The following MACROD1 variants were observed in gnomAD, a reference collection of about 807,000 sequenced individuals.
The protein encoded by MACROD1 is ADP-ribose glycohydrolase MACROD1.
Under a neutral mutation model 41.4 loss-of-function variants are expected in MACROD1, and 31 were observed. The observed-to-expected ratio is 0.75, with a 90% CI of 0.56 to 1.01. The LOEUF is 1.01. Among genes scored for constraint, MACROD1 ranks in the 50% least tolerant of loss-of-function variants. The probability of loss-of-function intolerance (pLI) is 0.00; values close to 1 mark genes in which losing one functional copy is unlikely to be tolerated. For synonymous variants in MACROD1, 252 were observed against 203.4 expected (o/e 1.24, Z -2.03); for missense variants, 473 against 460.0 (o/e 1.03, Z -0.26).
intron 3 of MACROD1, among the ~76,000 whole-genome samples, chr11:64,089,696 C>T (rs1944456615): frequency 6.6e-6 from 1 of 152,192 alleles, no homozygotes; most frequent in Non-Finnish European, 1.5e-5. Context: ...AGGGCCTGGA[C>T]AAAGTGGGGC....
chr11:64,118,173 C>T (rs1466775507), intron 3 of MACROD1: 2 of 1,613,568 alleles, frequency 1.2e-6, no homozygotes, highest in Non-Finnish European at 1.7e-6. Flanking sequence ...GTACGTGGTC[C>T]ACACTATCTT....
rs899326670 is a variant in MACROD1 at position 64,048,675 on chromosome 11, A to G, written c.518-33394T>C. Among the ~76,000 whole-genome samples, 9 of 141,854 alleles carry G rather than the reference A, an allele frequency of 6.3e-5. No homozygotes were observed. The South Asian group carries it at 1.5e-3, about 23-fold the overall frequency. 93.1% of individuals were successfully genotyped at this position (141,854 alleles called of 152,430 possible). ...CACCGATTCCTTAAAGCAGCCCTACAAAGTGCCTGCAGTTTTTGCTCCATT... is the reference window on the plus strand; with the variant it reads ...CACCGATTCCTTAAAGCAGCCCTACGAAGTGCCTGCAGTTTTTGCTCCATT... On this transcript the variant is annotated intron_variant, in intron 3 of 10. Coordinates refer to ENST00000255681, the MANE Select transcript of MACROD1 (RefSeq NM_014067.4).
intron 3 of MACROD1, among the ~76,000 whole-genome samples, chr11:64,134,997 T>A (rs1945312927): frequency 6.6e-6 from 1 of 152,182 alleles, no homozygotes; most frequent in Non-Finnish European, 1.5e-5. Context: ...CTCTGCCCCC[T>A]GCCTGGCTCC....
Position 64,035,662 on chromosome 11 carries a change from C to T in MACROD1, c.518-20381G>A, listed in dbSNP as rs1477541838. On this transcript the variant is annotated intron_variant, in intron 3 of 10. Coordinates refer to ENST00000255681, the MANE Select transcript of MACROD1 (RefSeq NM_014067.4). ...CTGGGCCAGAATCCCCGCGCGGCGG[C>T]GCAGCCTCCCGCGCCGGGTCCCGCC... 9.9e-5 allele frequency among the ~76,000 whole-genome samples: 6 copies of T among 60,810 alleles called. 1 individual carries two copies. The highest frequency in any genetic ancestry group is 1.7e-4 in the Non-Finnish European group (5 of 30,200). 39.9% of individuals were successfully genotyped at this position (60,810 alleles called of 152,430 possible).
intron 3 of MACROD1, among the ~76,000 whole-genome samples, chr11:64,024,294 C>T (rs1179578496): frequency 6.6e-6 from 1 of 152,218 alleles, no homozygotes; most frequent in African/African-American, 2.4e-5. Flanking sequence ...ATAAGTTCTC[C>T]GTGCTTTGCA....
intron 3 of MACROD1, chr11:64,116,878 G>A (rs779350349): frequency 3.2e-5 from 51 of 1,611,640 alleles, no homozygotes; most frequent in Non-Finnish European, 4.2e-5. Context: ...GAGGAGCTGC[G>A]GCTGGATGAC....
intron 3 of MACROD1, among the ~76,000 whole-genome samples, chr11:64,030,938 C>A (rs958111117): frequency 6.6e-6 from 1 of 151,032 alleles, no homozygotes; most frequent in Non-Finnish European, 1.5e-5. Flanking sequence ...GTTAGGGAGG[C>A]CTTTCTGATG....
At chr11:64,144,256 T>C (rs1373178685) in intron 3 of MACROD1, among the ~76,000 whole-genome samples, 4 of 152,094 alleles carry the variant, frequency 2.6e-5, no homozygotes, top group African/African-American at 9.7e-5. Flanking sequence ...CCAGGCAGCC[T>C]TCCCCACTGC....
intron 3 of MACROD1, chr11:64,138,471 T>C (rs1282276406): frequency 3.1e-6 from 3 of 978,430 alleles, no homozygotes; most frequent in Non-Finnish European, 3.6e-6. Flanking sequence ...TTCCTGTTTC[T>C]CCTCAACGTC....
At chr11:64,027,721 C>G (rs929643515) in intron 3 of MACROD1, among the ~76,000 whole-genome samples, 6 of 152,130 alleles carry the variant, frequency 3.9e-5, no homozygotes, top group African/African-American at 1.4e-4. Context: ...TGAACACTTC[C>G]CCAGACGCTG....
intron 3 of MACROD1, among the ~76,000 whole-genome samples, chr11:64,066,202 C>T (rs1944002322): frequency 6.9e-6 from 1 of 145,938 alleles, no homozygotes; most frequent in Non-Finnish European, 1.5e-5. Context: ...GAGGCTGAGG[C>T]AGGAGAATTG....
chr11:64,075,529 C>T (rs1288310649), intron 3 of MACROD1, among the ~76,000 whole-genome samples: 2 of 152,266 alleles, frequency 1.3e-5, no homozygotes, highest in East Asian at 3.8e-4. Flanking sequence ...ACCGAGGGAA[C>T]AGGCAGAGGT....
At chr11:64,078,894 G>A (rs894980315) in intron 3 of MACROD1, among the ~76,000 whole-genome samples, 2 of 152,212 alleles carry the variant, frequency 1.3e-5, no homozygotes, top group Non-Finnish European at 2.9e-5. Context: ...AACTCAGAGT[G>A]GGAGTTTGGC....
intron 3 of MACROD1, among the ~76,000 whole-genome samples, chr11:64,130,500 G>A (rs1279335888): frequency 2.6e-5 from 4 of 152,012 alleles, no homozygotes; most frequent in Non-Finnish European, 4.4e-5. Context: ...GTCGGAACCT[G>A]GGAGGGGTCT....
At chr11:64,124,758 G>A (rs1040472018) in intron 3 of MACROD1, among the ~76,000 whole-genome samples, 4 of 152,012 alleles carry the variant, frequency 2.6e-5, no homozygotes, top group East Asian at 1.9e-4. Context: ...TCGGCTCACC[G>A]CAACCCCTGC....
rs1014122216 is a variant in MACROD1, at chr11:64,082,868, T to C, written c.518-67587A>G. On this transcript the variant is annotated intron_variant, in intron 3 of 10. Transcript: ENST00000255681. This position sits in a 1 kb window ranked among gnomAD's most constrained non-coding sequence, Gnocchi z 4.5. ...CCAGACACCGAGGTAGGCAGGGCTG[T>C]GCCTGCTCCAGCCCAGGGCCCCCTG... 5.2e-5 allele frequency: 8 copies of C among 152,606 alleles called. No homozygotes were observed. The highest frequency in any genetic ancestry group is 1.9e-4 in the African/African-American group (8 of 41,566). 9.5% of individuals were successfully genotyped at this position (152,606 alleles called of 1,614,324 possible). A position where few individuals can be genotyped will look rare whatever the true frequency, so the allele number is the denominator to read the frequency against.
At chr11:64,131,166 A>G (rs1945260001) in intron 3 of MACROD1, among the ~76,000 whole-genome samples, 1 of 152,152 alleles carries the variant, frequency 6.6e-6, no homozygotes, top group Non-Finnish European at 1.5e-5. Flanking sequence ...CCCCCGCCCC[A>G]GGCACTGCAG....
Position 64,096,128 on chromosome 11 carries a change from C to A in MACROD1, c.517+55111G>T, listed in dbSNP as rs1449009256. ...AGGAGACGCTGTGAGAGTGCCCAGA[C>A]CCTGGAGGCCAGGAGGGGACCAGGG... On this transcript the variant is annotated intron_variant, in intron 3 of 10. Coordinates refer to ENST00000255681, the MANE Select transcript of MACROD1 (RefSeq NM_014067.4). This position sits in a 1 kb window ranked among gnomAD's most constrained non-coding sequence, Gnocchi z 4.6. 2.0e-5 allele frequency among the ~76,000 whole-genome samples: 3 copies of A among 152,258 alleles called. No homozygotes were observed. The highest frequency in any genetic ancestry group is 1.3e-4 in the Admixed American group (2 of 15,290).
chr11:64,057,704 G>C (rs1199014563), intron 3 of MACROD1, among the ~76,000 whole-genome samples: 1 of 152,196 alleles, frequency 6.6e-6, no homozygotes, highest in Non-Finnish European at 1.5e-5. Context: ...TCTGTACCCA[G>C]ACCTGAGGGA....
Sources: gnomAD v4.1 joint callset for allele counts (sites outside exome capture counted in the v4.1 genomes callset) on GRCh38, gnomAD v4.1.1 for gene constraint, Gnocchi (gnomAD v3.1) non-coding constraint, MANE v1.5 for transcripts, NCBI Gene and HGNC (gene_info 2026-07-23, HGNC 2026-07-21) for gene names.